The following ADAMTS7 variants were observed in gnomAD, a reference collection of about 807,000 sequenced individuals.
ADAMTS7 encodes the protein ADAM metallopeptidase with thrombospondin type 1 motif 7.
ADAMTS7 carries 89 observed loss-of-function variants against 172.6 expected under a neutral mutation model. The ratio of observed to expected loss-of-function variants is 0.52; its 90% CI spans 0.43 to 0.61. The LOEUF is 0.61. ADAMTS7 is among the 20% of genes least tolerant of loss of function. The probability of loss-of-function intolerance (pLI) is 0.00; values close to 1 mark genes in which losing one functional copy is unlikely to be tolerated. For synonymous variants in ADAMTS7, 885 were observed against 978.4 expected (o/e 0.90, Z 1.78); for missense variants, 1,973 against 2,355.6 (o/e 0.84, Z 3.36).
At chr15:78,804,438 C>A (rs2055763291) in intron 1 of ADAMTS7, among the ~76,000 whole-genome samples, 1 of 152,188 alleles carries the variant, frequency 6.6e-6, no homozygotes, top group Non-Finnish European at 1.5e-5. Context: ...TTATACCCAG[C>A]TCCCAGGATC....
At chr15:78,763,570 C>A in intron 22 of ADAMTS7, 129 bp downstream of exon 22, 1 of 1,267,634 alleles carries the variant, frequency 7.9e-7, no homozygotes, top group Non-Finnish European at 1.0e-6. Context: ...CCGGGCGGGG[C>A]CTCGTCCAGT....
intron 7 of ADAMTS7, among the ~76,000 whole-genome samples, chr15:78,788,847 A>G (rs1013404148): frequency 3.3e-5 from 5 of 152,254 alleles, no homozygotes; most frequent in Admixed American, 2.6e-4. Context: ...GATACAAGAA[A>G]AATTATTTCC....
intron 1 of ADAMTS7, among the ~76,000 whole-genome samples, chr15:78,804,481 C>T (rs1407869598): frequency 1.3e-5 from 2 of 152,172 alleles, no homozygotes; most frequent in African/African-American, 2.4e-5. Context: ...TCTTCAGGCT[C>T]GCATGAATGC....
Position 78,779,636 on chromosome 15 carries a change from G to A in ADAMTS7, c.1323-2048C>T, listed in dbSNP as rs567847702. On this transcript the variant is annotated intron_variant, in intron 8 of 23. Transcript: ENST00000388820. ...CCTGCACCCGGGGCAGAGTATCAGC[G>A]GCGGGTGGTGGGGTCAGCTGGCCCT... is the stretch of plus-strand genomic sequence containing the variant. 4.6e-5 allele frequency among the ~76,000 whole-genome samples: 7 copies of A among 152,306 alleles called. No individual in the cohort carries two copies. The East Asian group carries it at 1.2e-3, about 25-fold the overall frequency.
rs1259244746 is a variant in ADAMTS7, at chr15:78,773,120, G to A, written c.2094C>T (p.His698=). ...GVCHGNGSTC[H]TVSGTFEEAE... is the part of the protein sequence containing the mutation. ...CCTCCTCGAAGGTCCCGCTCACGGTGTGGCAGGTGGAGCCGTTGCCGTGGC... is the reference window on the plus strand; with the variant it reads ...CCTCCTCGAAGGTCCCGCTCACGGTATGGCAGGTGGAGCCGTTGCCGTGGC... The change falls in exon 14 of 24, where the codon CAC becomes CAT. Residue 698 remains histidine, a synonymous_variant. Transcript: ENST00000388820. The A allele has an allele frequency of 6.6e-7, 1 of 1,517,300 alleles. No homozygotes were observed. Among genetic ancestry groups the A allele is most frequent in the Middle Eastern group, 1.9e-4 (1 of 5,180 alleles). The allele number at this position is 1,517,300 out of a possible 1,614,324, so 94.0% of individuals were successfully genotyped here. A position where few individuals can be genotyped will look rare whatever the true frequency, so the allele number is the denominator to read the frequency against.
At position 78,788,263 on chromosome 15, in the gene ADAMTS7, G is replaced by A; in HGVS notation, c.1290C>T (p.Arg430=). The A allele has an allele frequency of 6.2e-7, 1 of 1,613,838 alleles. No individual in the cohort carries two copies. Among genetic ancestry groups the A allele is most frequent in the South Asian group, 1.1e-5 (1 of 91,076 alleles). ...ACCTGGTGATATACTGGCGGCTGCA[G>A]CGGGACCAGGTGAGGGGAGCGGCGT... ...LYDAAPLTWS[R]CSRQYITRFL... is the part of the protein sequence containing the mutation. The change falls in exon 8 of 24, where the codon CGC becomes CGT. Residue 430 remains arginine, a synonymous_variant. Coordinates refer to ENST00000388820, the MANE Select transcript of ADAMTS7 (RefSeq NM_014272.5).
chr15:78,764,635 C>G lies in ADAMTS7; in HGVS notation c.4339G>C (p.Ala1447Pro), dbSNP rs772921044. ...GCAGGCTGGGGCCGGCCAGCGGGGG[C>G]GCAGTCCTCATCCCGGCCGGAGCTA... is the stretch of plus-strand genomic sequence containing the variant. ...RCSSGRDEDC[A>P]PAGRPQPARR... Residue 1447 changes from alanine (A) to proline (P), a missense_variant, in exon 20 of 24, where the codon GCC (alanine) becomes CCC (proline). Transcript: ENST00000388820. 3 of 1,560,308 alleles carry G rather than the reference C, an allele frequency of 1.9e-6. No homozygotes were observed. Among genetic ancestry groups the G allele is most frequent in the Non-Finnish European group, 2.6e-6 (3 of 1,161,694 alleles).
At position 78,759,684 on chromosome 15, in the gene ADAMTS7, G is replaced by A. The variant is rs2055010911; in HGVS notation, c.4904-106C>T. The A allele has an allele frequency of 6.8e-6, 9 of 1,319,486 alleles. No homozygotes were observed. The Admixed American group carries it at 1.9e-4, about 28-fold the overall frequency. 81.7% of individuals were successfully genotyped at this position (1,319,486 alleles called of 1,614,324 possible). A position where few individuals can be genotyped will look rare whatever the true frequency, so the allele number is the denominator to read the frequency against. On this transcript the variant is annotated intron_variant, in intron 23 of 23. Transcript: ENST00000388820. ...GGAGGCTCCAGCAGCTCCCCACCAA[G>A]CAGAGAGCCCCAGTTTCTGGAGCGG...
chr15:78,795,108 G>T (rs2055626275), intron 4 of ADAMTS7, among the ~76,000 whole-genome samples: 1 of 152,268 alleles, frequency 6.6e-6, no homozygotes, highest in Admixed American at 6.5e-5. Flanking sequence ...GGTGGCTCAA[G>T]TCAGCCTCCA....
chr15:78,770,866 G>A (rs2055236361), intron 16 of ADAMTS7: 1 of 409,012 alleles, frequency 2.4e-6, no homozygotes, highest in Non-Finnish European at 4.4e-6. Flanking sequence ...GTGGTGAGGG[G>A]CCACTGGACT....
At chr15:78,761,094 T>C (rs530735365) in intron 23 of ADAMTS7, among the ~76,000 whole-genome samples, 1 of 152,306 alleles carries the variant, frequency 6.6e-6, no homozygotes, top group Non-Finnish European at 1.5e-5. Context: ...GGGTGCGTGC[T>C]GAGGGCAGGC....
chr15:78,804,206 A>C (rs918827556), intron 1 of ADAMTS7, among the ~76,000 whole-genome samples: 3 of 152,200 alleles, frequency 2.0e-5, no homozygotes, highest in African/African-American at 4.8e-5. Flanking sequence ...TCCATCCCTT[A>C]CTGGGCCTCA....
Position 78,806,067 on chromosome 15 carries a change from G to A in ADAMTS7, c.100+5054C>T, listed in dbSNP as rs554737911. 9.6e-5 allele frequency among the ~76,000 whole-genome samples: 8 copies of A among 83,378 alleles called. No homozygotes were observed. The South Asian group carries it at 1.4e-3, about 15-fold the overall frequency. 54.7% of individuals were successfully genotyped at this position (83,378 alleles called of 152,430 possible). On this transcript the variant is annotated intron_variant, in intron 1 of 23. Coordinates refer to ENST00000388820, the MANE Select transcript of ADAMTS7 (RefSeq NM_014272.5). ...TGTACTCCAGCCTGGATGACAGAGC[G>A]AGACTCTGACTCCCCCCCCCAAAAA...
chr15:78,774,024 G>A (rs2055296491), intron 13 of ADAMTS7, 143 bp downstream of exon 13: 1 of 1,326,910 alleles, frequency 7.5e-7, no homozygotes, highest in Admixed American at 2.3e-5. Flanking sequence ...GTGGCCCGAG[G>A]AGGACCAGGA....
Position 78,800,487 on chromosome 15 carries a change from C to A in ADAMTS7, c.161G>T (p.Gly54Val), listed in dbSNP as rs564310248. ...DIVHPVRVDAGGSFLSYELWP... is the reference protein window; with the variant it reads ...DIVHPVRVDAVGSFLSYELWP... ...CAGCTCGTAGGACAGGAAGGAGCCC[C>A]CCGCGTCGACTCGAACCGGGTGCAC... Residue 54 changes from glycine (G) to valine (V), a missense_variant, in exon 2 of 24, where the codon GGG becomes GTG. Around this residue, in one of 8 missense-constraint regions of ADAMTS7, gnomAD observed 306 missense variants for 288.0 expected, o/e 1.06. Coordinates refer to ENST00000388820, the MANE Select transcript of ADAMTS7 (RefSeq NM_014272.5). The A allele has an allele frequency of 1.9e-5, 31 of 1,609,750 alleles. No individual in the cohort carries two copies. In the East Asian group the frequency reaches 6.3e-4, roughly 32 times the overall value.
At chr15:78,787,185 C>T (rs1424542462) in intron 8 of ADAMTS7, among the ~76,000 whole-genome samples, 1 of 151,988 alleles carries the variant, frequency 6.6e-6, no homozygotes, top group Non-Finnish European at 1.5e-5. Context: ...TTTTCAATTG[C>T]ACAGGAGTCA....
Position 78,766,867 on chromosome 15 carries a change from A to T in ADAMTS7, c.3044T>A (p.Leu1015His). 6.2e-7 allele frequency: 1 copy of T among 1,609,588 alleles called. No homozygotes were observed. Among genetic ancestry groups the T allele is most frequent in the South Asian group, 1.1e-5 (1 of 90,904 alleles). Residue 1015 changes from leucine to histidine, a missense_variant, in exon 19 of 24, where the codon CTC (leucine) becomes CAC (histidine). Leu to His is a moderately conservative substitution (Grantham distance 99, BLOSUM62 -3). Transcript: ENST00000388820. ...GSGSGSSSHE[L>H]FNEADFIPHH... ...CGGGATGAAGTCAGCCTCGTTGAAG[A>T]GCTCGTGGCTGGAGGAGCCGCTGCC...
intron 8 of ADAMTS7, among the ~76,000 whole-genome samples, chr15:78,785,032 C>T (rs1327710902): frequency 2.6e-5 from 4 of 151,530 alleles, no homozygotes; most frequent in Non-Finnish European, 5.9e-5. Context: ...ACAGGAAGAC[C>T]CTCCATGAAT....
At chr15:78,778,097 C>G (rs1165294135) in intron 8 of ADAMTS7, among the ~76,000 whole-genome samples, 92 of 152,290 alleles carry the variant, frequency 6.0e-4, no homozygotes, top group Middle Eastern at 3.4e-3. Flanking sequence ...CCCAGGGCAA[C>G]CATGCCTGTC....
Sources: gnomAD v4.1 joint callset for allele counts (sites outside exome capture counted in the v4.1 genomes callset) on GRCh38, gnomAD v4.1.1 for gene constraint, gnomAD v4.1.1 regional missense constraint, MANE v1.5 for transcripts, NCBI Gene and HGNC (gene_info 2026-07-23, HGNC 2026-07-21) for gene names.